FBLN2: variants seen among roughly 807,000 people sequenced by gnomAD.
The protein encoded by FBLN2 is fibulin-2.
A neutral mutation model predicts 123.7 loss-of-function variants in FBLN2; 81 were observed. The observed-to-expected ratio is 0.65, with a 90% CI of 0.55 to 0.79. The LOEUF is 0.79. Among genes scored for constraint, FBLN2 ranks in the 30% least tolerant of loss-of-function variants. The pLI is 0.00. For synonymous variants in FBLN2, 699 were observed against 701.4 expected (o/e 1.00, Z 0.05); for missense variants, 1,603 against 1,681.3 (o/e 0.95, Z 0.81).
At chr3:13,629,329 C>T in intron 13 of FBLN2, 37 bp downstream of exon 13, 1 of 1,571,844 alleles carries the variant, frequency 6.4e-7, no homozygotes, top group African/African-American at 1.3e-5. Context: ...TGGGGAACAC[C>T]TGGCTGGTCC....
At chr3:13,561,240 A>G (rs1703591851) in intron 1 of FBLN2, among the ~76,000 whole-genome samples, 1 of 152,208 alleles carries the variant, frequency 6.6e-6, no homozygotes. Flanking sequence ...ATTTCTCAAA[A>G]GGGGTGTCTA....
At chr3:13,594,854 G>A (rs966213426) in intron 2 of FBLN2, among the ~76,000 whole-genome samples, 1 of 152,210 alleles carries the variant, frequency 6.6e-6, no homozygotes, top group Non-Finnish European at 1.5e-5. Context: ...TTGGGGAAGG[G>A]GCCAGAGGGG....
intron 11 of FBLN2, 103 bp from the exon 12 acceptor site, chr3:13,628,802 T>C: frequency 7.2e-7 from 1 of 1,381,662 alleles, no homozygotes; most frequent in Non-Finnish European, 9.8e-7. Flanking sequence ...CCAGGGCAGG[T>C]CTGGAGCCCA....
At chr3:13,572,083 T>C (rs1703982741) in intron 2 of FBLN2, among the ~76,000 whole-genome samples, 2 of 152,256 alleles carry the variant, frequency 1.3e-5, no homozygotes, top group South Asian at 4.1e-4. Context: ...GAGCCTAGCA[T>C]GGCCACCTCT....
chr3:13,632,529 C>T (rs1414728111), intron 16 of FBLN2, among the ~76,000 whole-genome samples: 2 of 152,206 alleles, frequency 1.3e-5, no homozygotes, highest in African/African-American at 2.4e-5. Flanking sequence ...GAGATCAAGT[C>T]GATAGACTTC....
intron 9 of FBLN2, among the ~76,000 whole-genome samples, chr3:13,622,650 C>T (rs1705894086): frequency 6.6e-6 from 1 of 152,238 alleles, no homozygotes; most frequent in Non-Finnish European, 1.5e-5. Context: ...GGTTGGTGCT[C>T]AGTGATGCCT....
chr3:13,636,515 C>G lies in FBLN2; in HGVS notation c.3285C>G (p.Ser1095Arg), dbSNP rs531886823. Residue 1095 changes from serine to arginine, a missense_variant, in exon 17 of 18, where the codon AGC becomes AGG. Ser to Arg is a moderately radical substitution (Grantham distance 110). Transcript: ENST00000404922. The part of the protein sequence containing the change: ...EAETCHNIQG[S>R]FRCLRFECPP... ...AGACCTGCCACAACATCCAGGGTAG[C>G]TTCCGCTGCCTGCGCTTCGAGTGTC... The G allele has an allele frequency of 2.5e-6, 4 of 1,613,860 alleles. No individual in the cohort carries two copies. Among genetic ancestry groups the G allele is most frequent in the Non-Finnish European group, 3.4e-6 (4 of 1,179,832 alleles).
chr3:13,619,966 C>T (rs1705790225), intron 8 of FBLN2, 135 bp downstream of exon 8: 2 of 627,022 alleles, frequency 3.2e-6, no homozygotes, highest in African/African-American at 1.9e-5. Flanking sequence ...TGATGAGCAC[C>T]CCTAGTGGAG....
At chr3:13,557,565 T>TG (rs1295753588) in intron 1 of FBLN2, among the ~76,000 whole-genome samples, 1 of 152,210 alleles carries the variant, frequency 6.6e-6, no homozygotes, top group African/African-American at 2.4e-5. Context: ...TGCCGTGTGG[T>TG]GGTCAGGTGC....
At chr3:13,615,745 G>C (rs1425823541) in intron 5 of FBLN2, among the ~76,000 whole-genome samples, 1 of 152,228 alleles carries the variant, frequency 6.6e-6, no homozygotes, top group African/African-American at 2.4e-5. Context: ...GCCCAGAGAA[G>C]GGCAGGATCT....
intron 7 of FBLN2, among the ~76,000 whole-genome samples, chr3:13,619,529 G>A (rs1439806290): frequency 3.9e-5 from 6 of 152,240 alleles, no homozygotes; most frequent in Non-Finnish European, 5.9e-5. Flanking sequence ...CGTCCCCGAC[G>A]CCAGACGGTG....
intron 2 of FBLN2, among the ~76,000 whole-genome samples, chr3:13,597,372 C>T (rs1347455423): frequency 6.6e-6 from 1 of 152,156 alleles, no homozygotes; most frequent in East Asian, 1.9e-4. Flanking sequence ...ACCATAGGGT[C>T]GCCCCTGACA....
intron 2 of FBLN2, among the ~76,000 whole-genome samples, chr3:13,598,112 G>C (rs1193276877): frequency 6.6e-6 from 1 of 152,236 alleles, no homozygotes; most frequent in Non-Finnish European, 1.5e-5. Flanking sequence ...CGTGGCTGAA[G>C]GCTGCACCAG....
intron 5 of FBLN2, among the ~76,000 whole-genome samples, chr3:13,617,812 TCACCCATCCATC>T (rs1267152084): frequency 1.4e-4 from 15 of 105,476 alleles, no homozygotes; most frequent in African/African-American, 4.3e-4. Flanking sequence ...ATCCACTCAC[TCACCCATCCATC>T]CACCCATCCA....
chr3:13,572,288 C>T (rs969136129), intron 2 of FBLN2, among the ~76,000 whole-genome samples: 4 of 152,242 alleles, frequency 2.6e-5, no homozygotes, highest in Non-Finnish European at 5.9e-5. Context: ...GGTGGGGCCA[C>T]ACCAGCTGTA....
chr3:13,570,896 T>C lies in FBLN2; in HGVS notation c.541T>C (p.Phe181Leu). The change falls in exon 2 of 18, where the codon TTC becomes CTC. Residue 181 changes from phenylalanine (F) to leucine (L), a missense_variant. Physicochemically the swap from Phe to Leu is conservative, Grantham distance 22. Transcript: ENST00000404922. ...CYQLPGCHGN[F>L]SDAEEGDPER... ...CCAGCTCCCCGGTTGCCACGGGAAC[T>C]TCTCAGATGCCGAGGAGGGTGACCC... The C allele has an allele frequency of 1.9e-6, 3 of 1,612,630 alleles. No individual in the cohort carries two copies. Among genetic ancestry groups the C allele is most frequent in the South Asian group, 1.1e-5 (1 of 90,870 alleles).
At position 13,571,047 on chromosome 3, in the gene FBLN2, C is replaced by G. The variant is rs1703928435; in HGVS notation, c.692C>G (p.Ala231Gly). ...VQAGAGGPPA[A>G]LGGGSQPLST... ...GCAGGCGCAGGGGGCCCCCCAGCTGCTCTGGGAGGTGGGAGTCAGCCACTG... is the reference window on the plus strand; with the variant it reads ...GCAGGCGCAGGGGGCCCCCCAGCTGGTCTGGGAGGTGGGAGTCAGCCACTG... Residue 231 changes from alanine (A) to glycine (G), a missense_variant, in exon 2 of 18, where the codon GCT (alanine) becomes GGT (glycine). Transcript: ENST00000404922. 6.4e-7 allele frequency: 1 copy of G among 1,564,838 alleles called. No individual in the cohort carries two copies. Among genetic ancestry groups the G allele is most frequent in the African/African-American group, 1.4e-5 (1 of 73,670 alleles).
At chr3:13,596,000 A>G (rs1200045563) in intron 2 of FBLN2, among the ~76,000 whole-genome samples, 1 of 152,210 alleles carries the variant, frequency 6.6e-6, no homozygotes, top group African/African-American at 2.4e-5. Flanking sequence ...TTTTAGGAAG[A>G]CAAATGGTAG....
chr3:13,614,128 C>T lies in FBLN2; in HGVS notation c.1693C>T (p.Arg565Cys), dbSNP rs775113995. The change falls in exon 5 of 18, where the codon CGC becomes TGC. Residue 565 changes from arginine (R) to cysteine (C), a missense_variant. By Grantham distance (180) the Arg-to-Cys change is radical (BLOSUM62 -3). Transcript: ENST00000404922. ...GEEPLIVPEVRRPPEPAAAPR... is the reference protein window; with the variant it reads ...GEEPLIVPEVCRPPEPAAAPR... The stretch of plus-strand genomic sequence containing the variant: ...AGAGCCTCTCATAGTACCTGAGGTT[C>T]GCCGACCTCCAGAGCCCGCAGCTGC... 13 of 1,612,918 alleles carry T rather than the reference C, an allele frequency of 8.1e-6. No homozygotes were observed. The highest frequency in any genetic ancestry group is 1.6e-4 in the Middle Eastern group (1 of 6,082).
Sources: allele counts gnomAD v4.1 joint callset (sites outside exome capture counted in the v4.1 genomes callset), GRCh38; gene constraint gnomAD v4.1.1; transcripts MANE v1.5; gene names NCBI Gene and HGNC (gene_info 2026-07-23, HGNC 2026-07-21).